The following PLEKHA2 variants were observed in gnomAD, a reference collection of about 807,000 sequenced individuals.
PLEKHA2 encodes the protein pleckstrin homology domain-containing family A member 2.
Under a neutral mutation model 53.2 loss-of-function variants are expected in PLEKHA2, and 28 were observed. That is an observed-to-expected ratio of 0.53 (90% CI 0.39 to 0.72). PLEKHA2 has a LOEUF of 0.72. Among genes scored for constraint, PLEKHA2 ranks in the 30% least tolerant of loss-of-function variants. The pLI, the probability that PLEKHA2 is intolerant of heterozygous loss-of-function variation, is 0.00. For synonymous variants in PLEKHA2, 193 were observed against 196.4 expected, an observed-to-expected ratio of 0.98 and a Z score of 0.14; for missense variants, 426 against 537.9, an observed-to-expected ratio of 0.79 and a Z score of 2.06.
At chr8:38,968,818 T>A in intron 11 of PLEKHA2, 149 bp downstream of exon 11, 2 of 675,998 alleles carry the variant, frequency 3.0e-6, no homozygotes, top group Non-Finnish European at 5.0e-6. Flanking sequence ...CTCATTCTAC[T>A]AATTTGGGTA....
Position 38,969,696 on chromosome 8 carries a change from A to G in PLEKHA2, c.1191A>G (p.Ile397Met). The change falls in exon 12 of 12, where the codon ATA becomes ATG. Residue 397 changes from isoleucine to methionine, a missense_variant. Transcript: ENST00000617275. The part of the protein sequence containing the change: ...SAPGVLPSSR[I>M]RHRSEPQHPK... ...CTGGGGTGCTGCCCAGCTCCCGGAT[A>G]AGGCACAGATCGGAGCCCCAGCACC... 1 of 1,572,778 alleles carries G rather than the reference A, an allele frequency of 6.4e-7. No individual in the cohort carries two copies. Among genetic ancestry groups the G allele is most frequent in the South Asian group, 1.2e-5 (1 of 85,836 alleles).
chr8:38,926,154 TG>T (rs1459906740), intron 2 of PLEKHA2, among the ~76,000 whole-genome samples: 3 of 152,224 alleles, frequency 2.0e-5, no homozygotes, highest in Non-Finnish European at 2.9e-5. Flanking sequence ...TTGGGCAAAG[TG>T]TCTTCAATTC....
At chr8:38,905,613 A>C (rs1588229990) in intron 1 of PLEKHA2, among the ~76,000 whole-genome samples, 6 of 138,244 alleles carry the variant, frequency 4.3e-5, no homozygotes, top group African/African-American at 8.3e-5. Context: ...CCCCCTCACC[A>C]CTCCCCTGCC....
chr8:38,959,316 AG>A (rs764324598), intron 10 of PLEKHA2, among the ~76,000 whole-genome samples: 5 of 152,160 alleles, frequency 3.3e-5, no homozygotes, highest in Non-Finnish European at 7.3e-5. Context: ...ATTTTTTTAA[AG>A]CCTGGTAATA....
chr8:38,935,871 A>G, intron 2 of PLEKHA2, 123 bp from the exon 3 acceptor site: 2 of 827,500 alleles, frequency 2.4e-6, no homozygotes, highest in Non-Finnish European at 4.1e-6. Context: ...CAAGTTAAAG[A>G]ATGGTTGAGT....
chr8:38,968,505 T>G (rs938146459), intron 10 of PLEKHA2, 87 bp from the exon 11 acceptor site: 40 of 1,323,832 alleles, frequency 3.0e-5, no homozygotes, highest in Non-Finnish European at 4.0e-5. Context: ...ATGGTGTAAT[T>G]TTATAAACTT....
intron 10 of PLEKHA2, among the ~76,000 whole-genome samples, chr8:38,962,874 G>A (rs1332366020): frequency 6.6e-6 from 1 of 152,174 alleles, no homozygotes; most frequent in Admixed American, 6.5e-5. Context: ...TTAGACTACA[G>A]GGTGAATGAT....
chr8:38,939,147 G>T (rs746495213), intron 3 of PLEKHA2, among the ~76,000 whole-genome samples: 4 of 151,988 alleles, frequency 2.6e-5, no homozygotes, highest in South Asian at 2.1e-4. Context: ...CAGGTGATCC[G>T]CCTGCCTTGG....
At chr8:38,951,095 G>A in intron 6 of PLEKHA2, 105 bp downstream of exon 6, 1 of 697,782 alleles carries the variant, frequency 1.4e-6, no homozygotes, top group Non-Finnish European at 2.1e-6. Flanking sequence ...GAGGGTGGGA[G>A]TGGGGGGCAG....
chr8:38,956,143 C>T (rs1048716417), intron 9 of PLEKHA2, among the ~76,000 whole-genome samples: 1 of 152,218 alleles, frequency 6.6e-6, no homozygotes, highest in East Asian at 1.9e-4. Context: ...AGATCTTTTA[C>T]TCCTTATGTA....
Position 38,938,717 on chromosome 8 carries a change from C to T in PLEKHA2, c.198+2667C>T, listed in dbSNP as rs1235542484. Among the ~76,000 whole-genome samples the T allele has an allele frequency of 2.0e-5, 3 of 152,198 alleles. No homozygotes were observed. The South Asian group carries it at 6.2e-4, about 31-fold the overall frequency. ...GGTGTTCACAGGACCCACCAGTCAA[C>T]CACTGCTGGGTAGCGCCTCTGCTGT... On this transcript the variant is annotated intron_variant, in intron 3 of 11. Transcript: ENST00000617275.
intron 9 of PLEKHA2, among the ~76,000 whole-genome samples, chr8:38,956,365 C>A (rs1281002885): frequency 6.6e-6 from 1 of 152,176 alleles, no homozygotes; most frequent in African/African-American, 2.4e-5. Flanking sequence ...CTCTTTAGCT[C>A]TTTGTCTCCT....
intron 11 of PLEKHA2, 133 bp downstream of exon 11, chr8:38,968,802 GT>G (rs1835187360): frequency 3.8e-6 from 3 of 796,398 alleles, no homozygotes; most frequent in Admixed American, 5.6e-5. Context: ...TGTCTTGCTT[GT>G]TTTTCTCATT....
intron 9 of PLEKHA2, 40 bp from the exon 10 acceptor site, chr8:38,957,283 T>G: frequency 6.5e-7 from 1 of 1,536,572 alleles, no homozygotes; most frequent in Non-Finnish European, 9.0e-7. Flanking sequence ...TCTCTGAGTA[T>G]GTCAGCACGC....
chr8:38,964,350 T>G (rs1317309229), intron 10 of PLEKHA2, among the ~76,000 whole-genome samples: 5 of 152,154 alleles, frequency 3.3e-5, no homozygotes, highest in Non-Finnish European at 5.9e-5. Context: ...GAGCAAACAT[T>G]ATCGCCTGAG....
At chr8:38,948,032 G>GA (rs1834748115) in intron 5 of PLEKHA2, among the ~76,000 whole-genome samples, 1 of 149,772 alleles carries the variant, frequency 6.7e-6, no homozygotes, top group South Asian at 2.1e-4. Context: ...ATTGCAGTGA[G>GA]CCGAGATCGC....
intron 2 of PLEKHA2, among the ~76,000 whole-genome samples, chr8:38,927,876 C>A (rs1834316430): frequency 6.6e-6 from 1 of 152,020 alleles, no homozygotes. Context: ...GTGGGGAGAG[C>A]TGGAGCTGGA....
intron 10 of PLEKHA2, among the ~76,000 whole-genome samples, chr8:38,965,984 C>G (rs1588280690): frequency 6.6e-6 from 1 of 152,120 alleles, no homozygotes; most frequent in Non-Finnish European, 1.5e-5. Flanking sequence ...TCCTGGTGAT[C>G]TTTTTGGACA....
At chr8:38,951,308 A>G (rs750968250) in intron 6 of PLEKHA2, among the ~76,000 whole-genome samples, 1 of 152,102 alleles carries the variant, frequency 6.6e-6, no homozygotes, top group Non-Finnish European at 1.5e-5. Flanking sequence ...ACAAGGCTGG[A>G]AACCAGCCTG....
Sources: gnomAD v4.1 joint callset for allele counts (sites outside exome capture counted in the v4.1 genomes callset) on GRCh38, gnomAD v4.1.1 for gene constraint, MANE v1.5 for transcripts, NCBI Gene and HGNC (gene_info 2026-07-23, HGNC 2026-07-21) for gene names.